C5orf34: variants seen among roughly 807,000 people sequenced by gnomAD.
The protein encoded by C5orf34 is chromosome 5 open reading frame 34.
C5orf34 carries 73 observed loss-of-function variants against 78.4 expected under a neutral mutation model. The observed-to-expected ratio is 0.93, with a 90% confidence interval of 0.77 to 1.13. The LOEUF is 1.13. C5orf34 is among the 50% of genes most tolerant of loss of function. The pLI, the probability that C5orf34 is intolerant of heterozygous loss-of-function variation, is 0.00. For missense variants in C5orf34, 730 were observed against 732.7 expected (o/e 1.00, Z 0.04); for synonymous variants, 251 against 246.6 (o/e 1.02, Z -0.17).
chr5:43,498,472 G>A lies in C5orf34; in HGVS notation c.1153-3871C>T, dbSNP rs111975672. On this transcript the variant is annotated intron_variant, in intron 6 of 12. Coordinates refer to ENST00000306862, the MANE Select transcript of C5orf34 (RefSeq NM_198566.4). ...CCTTAATTGACATCTCATGGTAGGC[G>A]CAAAAGAAAAAAAAGCCATCATCAA... Among the ~76,000 whole-genome samples the A allele has an allele frequency of 2.5e-4, 38 of 151,838 alleles. No homozygotes were observed. The East Asian group carries it at 2.7e-3, about 11-fold the overall frequency.
intron 6 of C5orf34, among the ~76,000 whole-genome samples, chr5:43,497,810 G>T (rs1745605133): frequency 6.6e-6 from 1 of 152,200 alleles, no homozygotes; most frequent in Admixed American, 6.5e-5. Context: ...TATGAAAACA[G>T]ACACCTCAAC....
intron 9 of C5orf34, 112 bp downstream of exon 9, chr5:43,492,608 A>G: frequency 1.1e-6 from 1 of 927,838 alleles, no homozygotes. Flanking sequence ...AAGCTTCTTG[A>G]CAGATTTTAT....
At position 43,514,848 on chromosome 5, in the gene C5orf34, C is replaced by G. The variant is rs1358636819; in HGVS notation, c.-79G>C. ...AAGTTGCGGAAATGAGGCCCAGCAA[C>G]GGTCCCTGGCTTTGATTTGCCAAAA... is the stretch of plus-strand genomic sequence containing the variant. On this transcript the variant is annotated 5_prime_UTR_variant, in exon 1 of 13. Coordinates refer to ENST00000306862, the MANE Select transcript of C5orf34 (RefSeq NM_198566.4). 1.3e-5 allele frequency: 2 copies of G among 152,190 alleles called. No homozygotes were observed. Among genetic ancestry groups the G allele is most frequent in the Admixed American group, 6.5e-5 (1 of 15,278 alleles). 9.4% of individuals were successfully genotyped at this position (152,190 alleles called of 1,614,324 possible). A position where few individuals can be genotyped will look rare whatever the true frequency, so the allele number is the denominator to read the frequency against.
intron 9 of C5orf34, 25 bp from the exon 10 acceptor site, chr5:43,492,334 T>C: frequency 6.8e-7 from 1 of 1,475,984 alleles, no homozygotes; most frequent in African/African-American, 1.4e-5. Context: ...AGATAAGTTT[T>C]ATCATTTTAG....
Position 43,495,019 on chromosome 5 carries a change from G to A in C5orf34, c.1153-418C>T, listed in dbSNP as rs1579860231. The A allele has an allele frequency of 5.9e-6, 8 of 1,354,532 alleles. No individual in the cohort carries two copies. In the East Asian group the frequency reaches 1.8e-4, roughly 31 times the overall value. The allele number at this position is 1,354,532 out of a possible 1,614,324, so 83.9% of individuals were successfully genotyped here. A position where few individuals can be genotyped will look rare whatever the true frequency, so the allele number is the denominator to read the frequency against. On this transcript the variant is annotated intron_variant, in intron 6 of 12. Transcript: ENST00000306862. ...GGCCAATTGAAACAAACAGTTCTGAGACCATTCTTCCACCACTGATTAAGA... is the reference window on the plus strand; with the variant it reads ...GGCCAATTGAAACAAACAGTTCTGAAACCATTCTTCCACCACTGATTAAGA...
intron 6 of C5orf34, 128 bp from the exon 7 acceptor site, chr5:43,494,729 C>A: frequency 1.9e-6 from 1 of 516,338 alleles, no homozygotes; most frequent in Non-Finnish European, 3.4e-6. Flanking sequence ...AAAATAAAGC[C>A]CACAAAATCA....
intron 11 of C5orf34, 83 bp from the exon 12 acceptor site, chr5:43,488,032 T>C: frequency 1.9e-6 from 2 of 1,030,640 alleles, no homozygotes; most frequent in Non-Finnish European, 2.9e-6. Context: ...ACCTGACTTT[T>C]TTTTTCATTA....
chr5:43,505,696 T>C (rs1459382592), intron 4 of C5orf34, 52 bp downstream of exon 4: 2 of 1,488,488 alleles, frequency 1.3e-6, no homozygotes, highest in Admixed American at 4.8e-5. Context: ...TTATCCAGGT[T>C]AAGACTGGTT....
rs761243077 is a variant in C5orf34 at position 43,502,521 on chromosome 5, A to C, written c.1029-26T>G. 1.1e-4 allele frequency: 156 copies of C among 1,451,516 alleles called. 3 individuals carry two copies. The South Asian group carries it at 1.8e-3, about 17-fold the overall frequency. The allele number at this position is 1,451,516 out of a possible 1,614,324, so 89.9% of individuals were successfully genotyped here. On this transcript the variant is annotated intron_variant, in intron 5 of 12. Coordinates refer to ENST00000306862, the MANE Select transcript of C5orf34 (RefSeq NM_198566.4). ...CTAAGAAATAGAAATAACCATTAAA[A>C]ATTTTTTTCCACTTGAGATTAAAAC... is the stretch of plus-strand genomic sequence containing the variant.
intron 1 of C5orf34, chr5:43,510,974 G>T (rs1294179644): frequency 4.8e-6 from 1 of 208,556 alleles, no homozygotes; most frequent in Non-Finnish European, 9.7e-6. Context: ...CTTCCCGGCC[G>T]CCATCCCATC....
intron 3 of C5orf34, 49 bp downstream of exon 3, chr5:43,508,528 G>C: frequency 9.3e-7 from 1 of 1,078,868 alleles, no homozygotes. Context: ...CCTGTTTCTA[G>C]TTACTTGTCC....
intron 5 of C5orf34, 63 bp from the exon 6 acceptor site, chr5:43,502,558 T>C (rs898812747): frequency 3.0e-5 from 28 of 948,278 alleles, no homozygotes; most frequent in African/African-American, 5.0e-5. Context: ...TGCATGAAGA[T>C]AGTCATCAAA....
At position 43,514,991 on chromosome 5, in the gene C5orf34, G is replaced by C. The variant is rs1028071702; in HGVS notation, c.-222C>G. On this transcript the variant is annotated 5_prime_UTR_variant, in exon 1 of 13. Transcript: ENST00000306862. ...GTGAAAGAAAAAAATCACAACCCTA[G>C]AGGAATAAGGTGGCAGGGAGAGTGT... 6.6e-6 allele frequency: 1 copy of C among 152,196 alleles called. No homozygotes were observed. The highest frequency in any genetic ancestry group is 1.9e-4 in the East Asian group (1 of 5,190). 9.4% of individuals were successfully genotyped at this position (152,196 alleles called of 1,614,324 possible).
intron 1 of C5orf34, among the ~76,000 whole-genome samples, chr5:43,513,226 T>A (rs1470529382): frequency 6.6e-6 from 1 of 152,210 alleles, no homozygotes; most frequent in South Asian, 2.1e-4. Flanking sequence ...ACACTTTTAA[T>A]TATTTTCTTT....
chr5:43,502,298 C>CAT (rs1159534271), intron 6 of C5orf34, 74 bp downstream of exon 6: 1 of 1,485,088 alleles, frequency 6.7e-7, no homozygotes, highest in East Asian at 2.3e-5. Flanking sequence ...CCAAATTTCC[C>CAT]ATATATATTT....
In C5orf34 at chr5:43,509,386, T is replaced by C. The variant is rs371682192; in HGVS notation, c.-36-11A>G. ...CTTCTAAGTCAAAGACTGAATGAAA[T>C]AGGAAAAACAACAGCATAAATAGTT... On this transcript the variant is annotated splice_polypyrimidine_tract_variant and intron_variant, in intron 1 of 12. Transcript: ENST00000306862. 4.8e-6 allele frequency: 7 copies of C among 1,454,888 alleles called. No individual in the cohort carries two copies. Among genetic ancestry groups the C allele is most frequent in the South Asian group, 1.3e-5 (1 of 75,028 alleles). The allele number at this position is 1,454,888 out of a possible 1,614,324, so 90.1% of individuals were successfully genotyped here. A position where few individuals can be genotyped will look rare whatever the true frequency, so the allele number is the denominator to read the frequency against.
At chr5:43,492,004 C>CAAAAAAAAAAAAA (rs34983529) in intron 10 of C5orf34, among the ~76,000 whole-genome samples, 1 of 85,536 alleles carries the variant, frequency 1.2e-5, no homozygotes, top group Non-Finnish European at 2.3e-5. Flanking sequence ...AACTCTGTCT[C>CAAAAAAAAAAAAA]AAAAAAAAAA....
At position 43,486,849 on chromosome 5, in the gene C5orf34, A is replaced by C; in HGVS notation, c.*66T>G. The C allele has an allele frequency of 1.0e-6, 1 of 989,516 alleles. No individual in the cohort carries two copies. The allele number at this position is 989,516 out of a possible 1,614,324, so 61.3% of individuals were successfully genotyped here. A position where few individuals can be genotyped will look rare whatever the true frequency, so the allele number is the denominator to read the frequency against. On this transcript the variant is annotated 3_prime_UTR_variant, in exon 13 of 13. Coordinates refer to ENST00000306862, the MANE Select transcript of C5orf34 (RefSeq NM_198566.4). Reference sequence around the variant, plus strand: ...CGTACAATATCTTGGCTTACTAGTAATTTTATACCAGTCACTTGAAACAAC... The same window carrying C: ...CGTACAATATCTTGGCTTACTAGTACTTTTATACCAGTCACTTGAAACAAC...
chr5:43,509,169 T>C lies in C5orf34; in HGVS notation c.171A>G (p.Thr57=). 1 of 1,613,296 alleles carries C rather than the reference T, an allele frequency of 6.2e-7. No homozygotes were observed. Among genetic ancestry groups the C allele is most frequent in the Non-Finnish European group, 8.5e-7 (1 of 1,179,794 alleles). ...CTCTGTAAGTGCTAATGACAAAATG[T>C]GTCCTTTGACGAATTCTTTCTGGTT... ...LEQPERIRQR[T]HFVISTYREQ... is the part of the protein sequence containing the mutation. Residue 57 remains threonine (T), a synonymous_variant, in exon 2 of 13, where the codon ACA becomes ACG. Transcript: ENST00000306862.
Sources: gnomAD v4.1 joint callset for allele counts (sites outside exome capture counted in the v4.1 genomes callset) on GRCh38, gnomAD v4.1.1 for gene constraint, MANE v1.5 for transcripts, NCBI Gene and HGNC (gene_info 2026-07-23, HGNC 2026-07-21) for gene names.